THSD7A: variants seen among roughly 807,000 people sequenced by gnomAD.
The protein encoded by THSD7A is thrombospondin type 1 domain containing 7A, also known as thrombospondin type-1 domain-containing protein 7A.
A neutral mutation model predicts 231.3 loss-of-function variants in THSD7A; 96 were observed. The observed-to-expected ratio is 0.41, with a 90% CI of 0.35 to 0.49. The LOEUF is 0.49. THSD7A is among the 20% of genes least tolerant of loss of function. The pLI is 0.05. For synonymous variants in THSD7A, 940 were observed against 743.3 expected, an observed-to-expected ratio of 1.26 and a Z score of -4.30; for missense variants, 2,290 against 2,070.2, an observed-to-expected ratio of 1.11 and a Z score of -2.06.
At chr7:11,736,985 T>C (rs896753906) in intron 1 of THSD7A, among the ~76,000 whole-genome samples, 1 of 152,034 alleles carries the variant, frequency 6.6e-6, no homozygotes, top group African/African-American at 2.4e-5. Context: ...TGGGCTCTCA[T>C]TCTTCTCTCT....
chr7:11,820,990 C>T lies in THSD7A; in HGVS notation c.190+10767G>A, dbSNP rs1055867558. 1.7e-4 allele frequency: 181 copies of T among 1,036,496 alleles called. 3 individuals are homozygous for T. The highest frequency in any genetic ancestry group is 1.2e-3 in the South Asian group (79 of 68,530). 64.2% of individuals were successfully genotyped at this position (1,036,496 alleles called of 1,614,324 possible). A position where few individuals can be genotyped will look rare whatever the true frequency, so the allele number is the denominator to read the frequency against. Reference sequence around the variant, plus strand: ...TCAAGGCGGAGATCAACAGGATCATCTCTGTATTTTCCCTCAGCCTTGTAG... The same window carrying T: ...TCAAGGCGGAGATCAACAGGATCATTTCTGTATTTTCCCTCAGCCTTGTAG... On this transcript the variant is annotated intron_variant, in intron 1 of 27. Transcript: ENST00000423059.
chr7:11,381,413 ATTGGGT>A (rs1191512721), intron 24 of THSD7A, among the ~76,000 whole-genome samples: 1 of 152,204 alleles, frequency 6.6e-6, no homozygotes, highest in Non-Finnish European at 1.5e-5. Context: ...GAAATAAGTA[ATTGGGT>A]TTCAATAAAT....
chr7:11,451,994 A>G (rs1342397022), intron 11 of THSD7A, among the ~76,000 whole-genome samples: 1 of 152,080 alleles, frequency 6.6e-6, no homozygotes, highest in East Asian at 1.9e-4. Context: ...AGTTCATTAC[A>G]GGAAACAGAA....
At chr7:11,767,035 A>G (rs1783052046) in intron 1 of THSD7A, among the ~76,000 whole-genome samples, 1 of 152,124 alleles carries the variant, frequency 6.6e-6, no homozygotes, top group African/African-American at 2.4e-5. Context: ...ATTTACAGAA[A>G]ACTTCTTTTA....
chr7:11,570,797 A>C (rs11977973), intron 4 of THSD7A, among the ~76,000 whole-genome samples: 52,272 of 152,080 alleles, frequency 0.34, 9,269 homozygotes, highest in Middle Eastern at 0.46. Flanking sequence ...AGCAGTGGGT[A>C]GGGGTGGAGA....
intron 1 of THSD7A, among the ~76,000 whole-genome samples, chr7:11,707,250 A>G (rs1780798950): frequency 6.6e-6 from 1 of 150,930 alleles, no homozygotes; most frequent in East Asian, 2.0e-4. Flanking sequence ...AATCCCAAGT[A>G]GCTGTAAATC....
At chr7:11,651,317 A>C (rs1782493237) in intron 1 of THSD7A, among the ~76,000 whole-genome samples, 1 of 152,054 alleles carries the variant, frequency 6.6e-6, no homozygotes, top group Non-Finnish European at 1.5e-5. Context: ...TGATGAGTGC[A>C]GAGTTCCAGT....
chr7:11,445,086 T>C (rs2128294108), intron 13 of THSD7A, among the ~76,000 whole-genome samples: 1 of 151,964 alleles, frequency 6.6e-6, no homozygotes, highest in African/African-American at 2.4e-5. Context: ...AACCATATAA[T>C]AAAACTGGAG....
chr7:11,553,136 C>T (rs1583961202), intron 4 of THSD7A, among the ~76,000 whole-genome samples: 1 of 152,062 alleles, frequency 6.6e-6, no homozygotes, highest in African/African-American at 2.4e-5. Context: ...TGAAACAAAG[C>T]CTTCTTGAGG....
intron 1 of THSD7A, among the ~76,000 whole-genome samples, chr7:11,749,501 C>T (rs1782429524): frequency 6.6e-6 from 1 of 151,310 alleles, no homozygotes; most frequent in African/African-American, 2.5e-5. Flanking sequence ...GCGGCCATCA[C>T]CCAAATGTGT....
intron 11 of THSD7A, among the ~76,000 whole-genome samples, chr7:11,451,463 A>T (rs1403165496): frequency 1.3e-5 from 2 of 152,022 alleles, no homozygotes; most frequent in Non-Finnish European, 2.9e-5. Flanking sequence ...CAGACGACCA[A>T]GAATAGCAAC....
chr7:11,733,678 C>G (rs1377884521), intron 1 of THSD7A, among the ~76,000 whole-genome samples: 1 of 151,754 alleles, frequency 6.6e-6, no homozygotes, highest in Non-Finnish European at 1.5e-5. Context: ...GTGCTGAGAG[C>G]TCCACAATGT....
intron 1 of THSD7A, among the ~76,000 whole-genome samples, chr7:11,656,505 T>C (rs1782713543): frequency 6.6e-6 from 1 of 151,872 alleles, no homozygotes; most frequent in Non-Finnish European, 1.5e-5. Context: ...GATCTCGTTC[T>C]CTACCGGAAT....
chr7:11,435,998 CTT>C (rs557888517), intron 13 of THSD7A, among the ~76,000 whole-genome samples: 118 of 152,120 alleles, frequency 7.8e-4, no homozygotes, highest in Admixed American at 4.7e-3. Context: ...AGAAAATAAA[CTT>C]ATATATGTAA....
At chr7:11,817,471 T>A (rs149322082) in intron 1 of THSD7A, among the ~76,000 whole-genome samples, 1 of 152,188 alleles carries the variant, frequency 6.6e-6, no homozygotes, top group African/African-American at 2.4e-5. Flanking sequence ...GTAATTACAC[T>A]GTTGACTCTG....
At chr7:11,592,901 G>A (rs761937566) in intron 3 of THSD7A, among the ~76,000 whole-genome samples, 8 of 151,876 alleles carry the variant, frequency 5.3e-5, no homozygotes, top group Non-Finnish European at 1.0e-4. Flanking sequence ...ACACAGCCAC[G>A]CTCAGTTGTT....
intron 1 of THSD7A, among the ~76,000 whole-genome samples, chr7:11,711,705 G>A (rs1780971802): frequency 6.6e-6 from 1 of 151,130 alleles, no homozygotes; most frequent in Non-Finnish European, 1.5e-5. Flanking sequence ...ACTGGCAGAA[G>A]TATGTAACTT....
At chr7:11,692,343 C>T (rs899003949) in intron 1 of THSD7A, among the ~76,000 whole-genome samples, 3 of 151,476 alleles carry the variant, frequency 2.0e-5, no homozygotes, top group African/African-American at 7.3e-5. Context: ...AAATAGATAC[C>T]TCAGTCTCTA....
intron 8 of THSD7A, among the ~76,000 whole-genome samples, chr7:11,473,737 A>G (rs541491104): frequency 6.6e-6 from 1 of 152,174 alleles, no homozygotes; most frequent in Admixed American, 6.5e-5. Flanking sequence ...TTGCCCTGTT[A>G]TTATAGTACT....
Sources: gnomAD v4.1 joint callset for allele counts (sites outside exome capture counted in the v4.1 genomes callset) on GRCh38, gnomAD v4.1.1 for gene constraint, MANE v1.5 for transcripts, NCBI Gene and HGNC (gene_info 2026-07-23, HGNC 2026-07-21) for gene names.